TENM2: variants seen among roughly 807,000 people sequenced by gnomAD.
TENM2 encodes teneurin-2.
A neutral mutation model predicts 245.2 loss-of-function variants in TENM2; 52 were observed. The observed-to-expected ratio is 0.21, with a 90% CI of 0.17 to 0.27. The LOEUF (loss-of-function observed/expected upper bound fraction) is 0.27. TENM2 is among the 10% of genes least tolerant of loss of function. The pLI is 1.00. For missense variants in TENM2, 3,046 were observed against 3,666.8 expected (o/e 0.83, Z 4.37); for synonymous variants, 1,363 against 1,438.9 (o/e 0.95, Z 1.19).
At chr5:167,653,950 G>A (rs946107789) in intron 2 of TENM2, 83 of 151,738 alleles carry the variant, frequency 5.5e-4, no homozygotes, top group African/African-American at 1.8e-3. Flanking sequence ...AGAGAAAAAA[G>A]AAATCAATTC....
intron 7 of TENM2, among the ~76,000 whole-genome samples, chr5:168,083,825 C>G (rs1792210784): frequency 6.6e-6 from 1 of 152,034 alleles, no homozygotes; most frequent in African/African-American, 2.4e-5. Flanking sequence ...AAGGTTTGGT[C>G]TACAAATGAC....
At chr5:167,874,987 C>T (rs893025549) in intron 2 of TENM2, among the ~76,000 whole-genome samples, 1 of 152,248 alleles carries the variant, frequency 6.6e-6, no homozygotes, top group Non-Finnish European at 1.5e-5. Flanking sequence ...CTTTCCATCA[C>T]TCTTCCACTT....
intron 27 of TENM2, among the ~76,000 whole-genome samples, chr5:168,256,848 T>C (rs1767714027): frequency 2.0e-5 from 3 of 152,240 alleles, no homozygotes; most frequent in African/African-American, 7.2e-5. Context: ...TAGAGGGTTC[T>C]TATATATCCA....
At chr5:167,891,125 A>G (rs907127990) in intron 3 of TENM2, among the ~76,000 whole-genome samples, 1 of 152,192 alleles carries the variant, frequency 6.6e-6, no homozygotes, top group Admixed American at 6.5e-5. Flanking sequence ...TTTAAAAAAA[A>G]TAGGTTGTTT....
intron 1 of TENM2, among the ~76,000 whole-genome samples, chr5:167,318,987 C>A (rs572850620): frequency 2.0e-5 from 3 of 152,248 alleles, no homozygotes; most frequent in African/African-American, 7.2e-5. Context: ...TTATGCCTTG[C>A]AAAGGCAACT....
intron 2 of TENM2, among the ~76,000 whole-genome samples, chr5:167,385,961 A>T (rs371367552): frequency 1.3e-5 from 2 of 150,242 alleles, no homozygotes; most frequent in East Asian, 3.9e-4. Context: ...ACGTTTTTGC[A>T]ATTGTGAATT....
At chr5:167,271,283 C>T in the TENM2 span, among the ~76,000 whole-genome samples, 1 of 152,160 alleles carries the variant, frequency 6.6e-6, no homozygotes, top group African/African-American at 2.4e-5. Flanking sequence ...AGCTTCTGAT[C>T]TCAGGAGGCA....
At chr5:167,779,988 T>C (rs556930758) in intron 2 of TENM2, among the ~76,000 whole-genome samples, 1 of 152,312 alleles carries the variant, frequency 6.6e-6, no homozygotes, top group Non-Finnish European at 1.5e-5. Context: ...AGTTGCCTCA[T>C]GGCAAATCTT....
intron 2 of TENM2, among the ~76,000 whole-genome samples, chr5:167,617,752 A>T (rs1777881131): frequency 1.3e-5 from 2 of 152,206 alleles, no homozygotes; most frequent in Admixed American, 1.3e-4. Context: ...TAACTGGTGA[A>T]TATTCAAATG....
chr5:167,783,674 T>C (rs776312994), intron 2 of TENM2, among the ~76,000 whole-genome samples: 6 of 152,162 alleles, frequency 3.9e-5, no homozygotes, highest in Non-Finnish European at 8.8e-5. Flanking sequence ...TGAGAACTAG[T>C]AGAGGCAAGC....
intron 2 of TENM2, among the ~76,000 whole-genome samples, chr5:167,692,863 G>A (rs778583042): frequency 2.6e-5 from 4 of 152,198 alleles, no homozygotes; most frequent in Non-Finnish European, 5.9e-5. Context: ...CGATAGTGTT[G>A]CATATGCACT....
chr5:167,001,249 A>T, the TENM2 span, among the ~76,000 whole-genome samples: 1 of 151,674 alleles, frequency 6.6e-6, no homozygotes, highest in Non-Finnish European at 1.5e-5. Context: ...GGTTAAAACT[A>T]CTGAGGTTTG....
At chr5:167,084,365 A>ATATATATATATATC in the TENM2 span, among the ~76,000 whole-genome samples, 2 of 122,484 alleles carry the variant, frequency 1.6e-5, no homozygotes, top group East Asian at 4.7e-4. Flanking sequence ...ATATATATAT[A>ATATATATATATATC]TACAGATCAG....
intron 2 of TENM2, among the ~76,000 whole-genome samples, chr5:167,434,028 G>A (rs1764395008): frequency 6.6e-6 from 1 of 152,012 alleles, no homozygotes; most frequent in Non-Finnish European, 1.5e-5. Flanking sequence ...ATGAAAATGA[G>A]TTTTAATTAG....
chr5:167,527,434 C>G (rs759002271), intron 2 of TENM2, among the ~76,000 whole-genome samples: 3 of 152,028 alleles, frequency 2.0e-5, no homozygotes, highest in Non-Finnish European at 2.9e-5. Context: ...CCTTTCTAAT[C>G]TATCATTTTA....
chr5:166,979,323 G>A, the TENM2 span, among the ~76,000 whole-genome samples: 2 of 152,060 alleles, frequency 1.3e-5, no homozygotes, highest in Non-Finnish European at 2.9e-5. Flanking sequence ...GGGCGGGTAA[G>A]AGGGAGGAGG....
intron 12 of TENM2, among the ~76,000 whole-genome samples, chr5:168,127,751 A>G (rs757831750): frequency 1.3e-5 from 2 of 152,156 alleles, no homozygotes; most frequent in Non-Finnish European, 2.9e-5. Flanking sequence ...CAACTTGAGC[A>G]TCATTTTACC....
Position 167,853,289 on chromosome 5 carries a change from C to CAAAAAAAAAAAAAAAAAAAAAAAAAAA in TENM2, c.503-22674_503-22673insAAAAAAAAAAAAAAAAAAAAAAAAAAA, listed in dbSNP as rs777170514. ...TGGGAGACAGAGCGAGACTCCGTCT[C>CAAAAAAAAAAAAAAAAAAAAAAAAAAA]AAAAAAAAAAAAAAAAAAAAAAAGA... On this transcript the variant is annotated intron_variant, in intron 2 of 28. Coordinates refer to ENST00000518659, the Ensembl canonical transcript of TENM2. 8.1e-4 allele frequency among the ~76,000 whole-genome samples: 20 copies of CAAAAAAAAAAAAAAAAAAAAAAAAAAA among 24,616 alleles called. 3 individuals carry two copies. The highest frequency in any genetic ancestry group is 1.2e-3 in the Admixed American group (2 of 1,646). The allele number at this position is 24,616 out of a possible 152,430, so 16.1% of individuals were successfully genotyped here.
chr5:167,194,485 A>G, the TENM2 span, among the ~76,000 whole-genome samples: 1 of 152,038 alleles, frequency 6.6e-6, no homozygotes, highest in Non-Finnish European at 1.5e-5. Flanking sequence ...CTGGAACTGT[A>G]GACTATTAAG....
Sources: allele counts gnomAD v4.1 joint callset (sites outside exome capture counted in the v4.1 genomes callset), GRCh38; gene constraint gnomAD v4.1.1; transcripts MANE v1.5; gene names NCBI Gene and HGNC (gene_info 2026-07-23, HGNC 2026-07-21).